Variants in PAM observed in about 807,000 individuals in gnomAD.
The protein encoded by PAM is peptidylglycine alpha-amidating monooxygenase.
Under a neutral mutation model 122.1 loss-of-function variants are expected in PAM, and 72 were observed. The observed-to-expected ratio is 0.59, with a 90% CI of 0.49 to 0.72. The LOEUF (loss-of-function observed/expected upper bound fraction) is 0.72, where lower values mean the gene tolerates loss of function less well. Ranked by LOEUF, PAM falls within the 30% of genes least tolerant of loss-of-function variation. The probability of loss-of-function intolerance (pLI) is 0.00; values close to 1 mark genes in which losing one functional copy is unlikely to be tolerated. For synonymous variants in PAM, 389 were observed against 404.4 expected (o/e 0.96, Z 0.46); for missense variants, 1,106 against 1,183.7 (o/e 0.93, Z 0.96).
At chr5:103,018,685 T>C (rs1782703011) in intron 22 of PAM, among the ~76,000 whole-genome samples, 1 of 152,108 alleles carries the variant, frequency 6.6e-6, no homozygotes, top group African/African-American at 2.4e-5. Flanking sequence ...AATGCAAAAA[T>C]ACTTTGAAAG....
At chr5:102,815,869 T>C (rs1332631053) in intron 1 of PAM, among the ~76,000 whole-genome samples, 1 of 152,186 alleles carries the variant, frequency 6.6e-6, no homozygotes, top group Non-Finnish European at 1.5e-5. Context: ...ACTGTAGTTT[T>C]CATTATAACA....
intron 1 of PAM, among the ~76,000 whole-genome samples, chr5:102,849,621 AC>A (rs1206708605): frequency 6.6e-6 from 1 of 152,044 alleles, no homozygotes; most frequent in African/African-American, 2.4e-5. Flanking sequence ...ATGGGACACT[AC>A]TTGGTTCAGT....
intron 8 of PAM, among the ~76,000 whole-genome samples, chr5:102,948,169 C>T (rs1011285792): frequency 6.6e-6 from 1 of 152,104 alleles, no homozygotes; most frequent in Admixed American, 6.6e-5. Context: ...CAAGTCAACA[C>T]GTAAAGTTAG....
At chr5:102,838,338 TGCCCAAGTTTGTTTG>T (rs1777645133) in intron 1 of PAM, 1 of 152,102 alleles carries the variant, frequency 6.6e-6, no homozygotes, top group Non-Finnish European at 1.5e-5. Context: ...AAAACACCAA[TGCCCAAGTTTGTTTG>T]TTGTGAAAAT....
At chr5:102,777,777 T>C (rs888953193) in intron 1 of PAM, among the ~76,000 whole-genome samples, 1 of 152,160 alleles carries the variant, frequency 6.6e-6, no homozygotes, top group African/African-American at 2.4e-5. Context: ...ATAGACAGCA[T>C]ATTGGCTTAA....
intron 3 of PAM, among the ~76,000 whole-genome samples, chr5:102,888,834 T>C (rs1263880669): frequency 6.6e-6 from 1 of 151,918 alleles, no homozygotes; most frequent in Non-Finnish European, 1.5e-5. Flanking sequence ...AAATACCCTT[T>C]TTACAAATAT....
intron 1 of PAM, among the ~76,000 whole-genome samples, chr5:102,794,391 G>A (rs1310358880): frequency 6.6e-6 from 1 of 152,144 alleles, no homozygotes; most frequent in Non-Finnish European, 1.5e-5. Context: ...TAAAGCCAAT[G>A]GTGAACAAAG....
chr5:102,828,831 A>C (rs1296303970), intron 1 of PAM, among the ~76,000 whole-genome samples: 1 of 152,098 alleles, frequency 6.6e-6, no homozygotes. Flanking sequence ...GTAATCTCCA[A>C]AGTAGTAGAA....
chr5:102,879,593 G>A (rs540329082), intron 3 of PAM, among the ~76,000 whole-genome samples: 1 of 152,100 alleles, frequency 6.6e-6, no homozygotes, highest in South Asian at 2.1e-4. Context: ...CTCCTTCTCT[G>A]GCCATGTAAG....
chr5:102,971,599 G>C (rs1173598300), intron 14 of PAM, among the ~76,000 whole-genome samples: 1 of 152,010 alleles, frequency 6.6e-6, no homozygotes, highest in Non-Finnish European at 1.5e-5. Context: ...GGTCCAGGCA[G>C]AAGAAACAAT....
At chr5:102,804,406 C>T (rs536416008) in intron 1 of PAM, among the ~76,000 whole-genome samples, 1 of 152,044 alleles carries the variant, frequency 6.6e-6, no homozygotes, top group South Asian at 2.1e-4. Context: ...GCTAGAGGGG[C>T]AGTAGTGGGA....
intron 23 of PAM, among the ~76,000 whole-genome samples, chr5:103,023,956 A>G (rs1164557989): frequency 6.6e-6 from 1 of 152,124 alleles, no homozygotes; most frequent in Non-Finnish European, 1.5e-5. Context: ...ATTTATTTGG[A>G]GGAGTATCCA....
chr5:102,760,114 T>C (rs1282957177), intron 1 of PAM, among the ~76,000 whole-genome samples: 2 of 152,216 alleles, frequency 1.3e-5, no homozygotes, highest in African/African-American at 4.8e-5. Flanking sequence ...TAAAGACATT[T>C]GTATGGTAGA....
chr5:102,871,606 T>G (rs2151010385), intron 3 of PAM, among the ~76,000 whole-genome samples: 1 of 150,964 alleles, frequency 6.6e-6, no homozygotes, highest in East Asian at 1.9e-4. Context: ...AGATATGCTT[T>G]TCTCAGAAAT....
chr5:102,834,584 A>C (rs1045674453), intron 1 of PAM, among the ~76,000 whole-genome samples: 1 of 152,190 alleles, frequency 6.6e-6, no homozygotes, highest in Non-Finnish European at 1.5e-5. Flanking sequence ...AGGTCAAGGA[A>C]GATTCACTGA....
chr5:102,864,204 A>G (rs1258261278), intron 1 of PAM, among the ~76,000 whole-genome samples: 9 of 146,982 alleles, frequency 6.1e-5, no homozygotes. Flanking sequence ...TTTTTAAAGA[A>G]CTTCAGGGAA....
Position 102,865,977 on chromosome 5 carries a change from C to T in PAM, c.-219C>T. ...TCCGCCTGCGGGCCGGACAAAAGTC[C>T]CGCCTGCCCACGGCTTTTTGCCCGC... On this transcript the variant is annotated 5_prime_UTR_variant, in exon 2 of 26. Coordinates refer to ENST00000438793, the MANE Select transcript of PAM (RefSeq NM_001177306.2). The T allele has an allele frequency of 2.2e-6, 1 of 444,868 alleles. No individual in the cohort carries two copies. 27.6% of individuals were successfully genotyped at this position (444,868 alleles called of 1,614,324 possible).
At chr5:102,804,965 T>C (rs183467167) in intron 1 of PAM, among the ~76,000 whole-genome samples, 3 of 152,186 alleles carry the variant, frequency 2.0e-5, no homozygotes, top group Non-Finnish European at 4.4e-5. Context: ...GGTGGCTGAC[T>C]GGGAGAGAGA....
chr5:102,844,924 C>T (rs1405252600), intron 1 of PAM, among the ~76,000 whole-genome samples: 1 of 152,188 alleles, frequency 6.6e-6, no homozygotes, highest in African/African-American at 2.4e-5. Flanking sequence ...GGAGCCATTT[C>T]TCCAGACTAG....
Sources: allele counts gnomAD v4.1 joint callset (sites outside exome capture counted in the v4.1 genomes callset), GRCh38; gene constraint gnomAD v4.1.1; transcripts MANE v1.5; gene names NCBI Gene and HGNC (gene_info 2026-07-23, HGNC 2026-07-21).